The following PATJ variants were observed in gnomAD, a reference collection of about 807,000 sequenced individuals.
The protein encoded by PATJ is PATJ crumbs cell polarity complex component.
PATJ carries 190 observed loss-of-function variants against 224.9 expected under a neutral mutation model. The ratio of observed to expected loss-of-function variants is 0.84; its 90% confidence interval spans 0.75 to 0.95. The LOEUF (loss-of-function observed/expected upper bound fraction) is 0.95. Ranked by LOEUF, PATJ falls within the 40% of genes least tolerant of loss-of-function variation. PATJ has a pLI of 0.00. For missense variants in PATJ, 2,121 were observed against 2,270.3 expected (o/e 0.93, Z 1.34); for synonymous variants, 769 against 820.3 (o/e 0.94, Z 1.07).
At chr1:61,940,916 A>G (rs549865359) in intron 27 of PATJ, among the ~76,000 whole-genome samples, 1 of 152,210 alleles carries the variant, frequency 6.6e-6, no homozygotes, top group African/African-American at 2.4e-5. Flanking sequence ...TTGCATCTTC[A>G]CAGTATTACA....
chr1:62,015,048 C>T (rs1236518747), intron 28 of PATJ, among the ~76,000 whole-genome samples: 2 of 152,048 alleles, frequency 1.3e-5, no homozygotes, highest in Non-Finnish European at 2.9e-5. Flanking sequence ...GCCTGTAATC[C>T]CAGCACTTTG....
intron 17 of PATJ, among the ~76,000 whole-genome samples, chr1:61,845,214 G>C (rs1224505666): frequency 1.3e-5 from 2 of 152,188 alleles, no homozygotes; most frequent in Non-Finnish European, 2.9e-5. Flanking sequence ...CCTCCAGGCT[G>C]TAGGTCCTGT....
At position 61,786,581 on chromosome 1, in the gene PATJ, A is replaced by T. The variant is rs184196361; in HGVS notation, c.850-1173A>T. The stretch of plus-strand genomic sequence containing the variant: ...TCTGTACCTCTGTAGTCTGCATCTC[A>T]GTTCATGGCAACTCTATCTTTCTAG... On this transcript the variant is annotated intron_variant, in intron 7 of 43. Coordinates refer to ENST00000642238, the MANE Select transcript of PATJ (RefSeq NM_001350145.3). Among the ~76,000 whole-genome samples, 850 of 152,212 alleles carry T rather than the reference A, an allele frequency of 5.6e-3. 5 individuals carry two copies. Among genetic ancestry groups the T allele is most frequent in the Non-Finnish European group, 8.5e-3 (576 of 68,010 alleles).
chr1:62,036,040 G>A (rs144708388), intron 29 of PATJ, among the ~76,000 whole-genome samples: 1 of 152,078 alleles, frequency 6.6e-6, no homozygotes, highest in East Asian at 1.9e-4. Context: ...GCATAAGTGA[G>A]CAAGGGGAAG....
chr1:61,877,147 G>C (rs973483535), intron 21 of PATJ, among the ~76,000 whole-genome samples: 3 of 152,028 alleles, frequency 2.0e-5, no homozygotes, highest in African/African-American at 7.2e-5. Flanking sequence ...GCTTCAGGAG[G>C]GTGAGGACTG....
intron 1 of PATJ, among the ~76,000 whole-genome samples, chr1:61,752,311 C>CTTTTTTTTT (rs370759266): frequency 4.8e-5 from 6 of 124,006 alleles, no homozygotes; most frequent in East Asian, 2.4e-4. Context: ...TCATTTCTTT[C>CTTTTTTTTT]TTTTTTTTTT....
intron 27 of PATJ, among the ~76,000 whole-genome samples, chr1:61,962,159 C>T (rs1242858843): frequency 6.6e-6 from 1 of 152,084 alleles, no homozygotes; most frequent in Non-Finnish European, 1.5e-5. Context: ...TTTACTTCCA[C>T]AGCCTACCAT....
intron 1 of PATJ, among the ~76,000 whole-genome samples, chr1:61,749,963 A>G (rs1290686607): frequency 6.6e-6 from 1 of 152,096 alleles, no homozygotes; most frequent in East Asian, 1.9e-4. Flanking sequence ...CAGATGAATA[A>G]ATCTTAAAAA....
intron 30 of PATJ, among the ~76,000 whole-genome samples, chr1:62,041,697 G>A (rs1651505916): frequency 6.6e-6 from 1 of 152,128 alleles, no homozygotes; most frequent in Admixed American, 6.5e-5. Context: ...AAACAAGCAG[G>A]CTAGTATGTA....
At chr1:61,753,641 C>G (rs577296148) in intron 1 of PATJ, among the ~76,000 whole-genome samples, 1 of 151,944 alleles carries the variant, frequency 6.6e-6, no homozygotes, top group South Asian at 2.1e-4. Flanking sequence ...TCCCGAGTAG[C>G]TGGGATTACA....
At chr1:61,806,251 G>A (rs1047681522) in intron 13 of PATJ, among the ~76,000 whole-genome samples, 2 of 152,170 alleles carry the variant, frequency 1.3e-5, no homozygotes, top group African/African-American at 4.8e-5. Context: ...TGGTTGGCTG[G>A]TTGGAGATTT....
intron 31 of PATJ, among the ~76,000 whole-genome samples, chr1:62,062,009 A>G (rs114051751): frequency 0.011 from 1,693 of 152,332 alleles, 13 homozygotes; most frequent in Middle Eastern, 0.045. Context: ...ACCCAGGTTG[A>G]TATCATGTCT....
chr1:62,157,089 A>G (rs368418708), intron 43 of PATJ, among the ~76,000 whole-genome samples: 38 of 151,842 alleles, frequency 2.5e-4, no homozygotes, highest in African/African-American at 8.9e-4. Flanking sequence ...TTTGGGAGAC[A>G]GAGGCAGGCA....
At chr1:62,077,360 T>C (rs1570473356) in intron 31 of PATJ, among the ~76,000 whole-genome samples, 1 of 152,308 alleles carries the variant, frequency 6.6e-6, no homozygotes, top group South Asian at 2.1e-4. Flanking sequence ...GATAAATATG[T>C]AATTGAAAAA....
intron 17 of PATJ, among the ~76,000 whole-genome samples, chr1:61,849,584 C>A (rs58052322): frequency 0.067 from 10,116 of 151,786 alleles, 365 homozygotes; most frequent in South Asian, 0.1. Context: ...CAGAGTGAGA[C>A]CCTGTCTCAA....
At chr1:62,002,722 A>AG (rs1240480959) in intron 28 of PATJ, among the ~76,000 whole-genome samples, 1 of 150,672 alleles carries the variant, frequency 6.6e-6, no homozygotes, top group Non-Finnish European at 1.5e-5. Context: ...AAAAAAAAAA[A>AG]AAAAAAAAAA....
chr1:61,787,851 G>C lies in PATJ; in HGVS notation c.947G>C (p.Cys316Ser). ...SEQVAQVLRN[C>S]GNSVRMLVAR... is the part of the protein sequence containing the mutation. ...CAAGTTGCACAAGTTCTAAGGAACT[G>C]TGGGAATTCAGTCAGGATGCTCGTT... The change falls in exon 8 of 44, where the codon TGT becomes TCT. Residue 316 changes from cysteine to serine, a missense_variant. Coordinates refer to ENST00000642238, the MANE Select transcript of PATJ (RefSeq NM_001350145.3). The C allele has an allele frequency of 6.2e-7, 1 of 1,614,184 alleles. No individual in the cohort carries two copies.
intron 43 of PATJ, among the ~76,000 whole-genome samples, chr1:62,156,568 T>C (rs1669243411): frequency 6.6e-6 from 1 of 150,988 alleles, no homozygotes; most frequent in African/African-American, 2.4e-5. Context: ...GTTATTATTA[T>C]TATTTAAATA....
chr1:62,049,243 TCACACACACA>T (rs60099928), intron 30 of PATJ, among the ~76,000 whole-genome samples: 49 of 137,276 alleles, frequency 3.6e-4, no homozygotes, highest in African/African-American at 9.4e-4. Context: ...AAGTAAGCAA[TCACACACACA>T]CACACACACA....
Sources: allele counts gnomAD v4.1 joint callset (sites outside exome capture counted in the v4.1 genomes callset), GRCh38; gene constraint gnomAD v4.1.1; transcripts MANE v1.5; gene names NCBI Gene and HGNC (gene_info 2026-07-23, HGNC 2026-07-21).